CHST10: variants seen among roughly 807,000 people sequenced by gnomAD.
CHST10 encodes carbohydrate sulfotransferase 10.
CHST10 carries 24 observed loss-of-function variants against 34.7 expected under a neutral mutation model. The observed-to-expected ratio is 0.69, with a 90% confidence interval of 0.50 to 0.97. The LOEUF is 0.97. Ranked by LOEUF, CHST10 falls within the 50% of genes least tolerant of loss-of-function variation. CHST10 has a pLI of 0.00. For synonymous variants in CHST10, 161 were observed against 169.3 expected, an observed-to-expected ratio of 0.95 and a Z score of 0.38; for missense variants, 402 against 452.1, an observed-to-expected ratio of 0.89 and a Z score of 1.00.
intron 2 of CHST10, among the ~76,000 whole-genome samples, chr2:100,412,104 G>C (rs555505737): frequency 9.8e-5 from 15 of 152,302 alleles, no homozygotes; most frequent in East Asian, 1.9e-4. Context: ...TTTAAATTTT[G>C]AAACAGTTTC....
Position 100,392,227 on chromosome 2 carries a change from C to A in CHST10, c.*1018G>T, listed in dbSNP as rs968394178. ...GTGATCAGAAATGGCTCTGGCAGTG[C>A]CCATTTTGCTGAGATGAAAGGAATC... On this transcript the variant is annotated 3_prime_UTR_variant, in exon 7 of 7. Transcript: ENST00000264249. The A allele has an allele frequency of 6.6e-6, 1 of 152,600 alleles. No homozygotes were observed. The allele number at this position is 152,600 out of a possible 1,614,324, so 9.5% of individuals were successfully genotyped here.
intron 2 of CHST10, among the ~76,000 whole-genome samples, chr2:100,414,044 A>G (rs1161559800): frequency 6.6e-6 from 1 of 152,170 alleles, no homozygotes; most frequent in Non-Finnish European, 1.5e-5. Flanking sequence ...TCAAGTGATC[A>G]ATGTATATGA....
intron 2 of CHST10, 59 bp from the exon 3 acceptor site, chr2:100,406,766 G>A: frequency 7.3e-7 from 1 of 1,369,162 alleles, no homozygotes. Flanking sequence ...CAACAAAGAG[G>A]AATGAAAACG....
intron 2 of CHST10, among the ~76,000 whole-genome samples, chr2:100,414,702 G>A (rs1675992239): frequency 6.6e-6 from 1 of 152,074 alleles, no homozygotes; most frequent in Admixed American, 6.6e-5. Context: ...GCCTTGGAAC[G>A]ATTAACCACC....
In CHST10 at chr2:100,393,514, C is replaced by T; in HGVS notation, c.802G>A (p.Glu268Lys). Residue 268 changes from glutamate to lysine, a missense_variant, in exon 7 of 7, where the codon GAG becomes AAG. Physicochemically the swap from Glu to Lys is moderately conservative, Grantham distance 56. Coordinates refer to ENST00000264249, the MANE Select transcript of CHST10 (RefSeq NM_004854.5). Reference sequence around the variant, plus strand: ...ATTATCTCACAGGGAGCACAGAGCTCTACATACGTCACCCAGTGAATGATG... The same window carrying T: ...ATTATCTCACAGGGAGCACAGAGCTTTACATACGTCACCCAGTGAATGATG... ...DHIIHWVTYV[E>K]LCAPCEIMYS... is the part of the protein sequence containing the mutation. 1 of 1,614,134 alleles carries T rather than the reference C, an allele frequency of 6.2e-7. No homozygotes were observed.
chr2:100,399,191 C>T (rs1558636919), intron 4 of CHST10, among the ~76,000 whole-genome samples: 2 of 151,998 alleles, frequency 1.3e-5, no homozygotes, highest in South Asian at 2.1e-4. Flanking sequence ...GCAAGCTCCG[C>T]CTCCCGGGTT....
chr2:100,404,847 T>G (rs570846333), intron 3 of CHST10, among the ~76,000 whole-genome samples: 4 of 152,394 alleles, frequency 2.6e-5, no homozygotes, highest in African/African-American at 9.6e-5. Flanking sequence ...ACCTGCCTTT[T>G]GAGTGCCTTC....
rs902062961 is a variant in CHST10 at position 100,417,379 on chromosome 2, T to C, written c.-109A>G. 21 of 316,710 alleles carry C rather than the reference T, an allele frequency of 6.6e-5. No individual in the cohort carries two copies. Among genetic ancestry groups the C allele is most frequent in the Non-Finnish European group, 1.1e-4 (18 of 159,936 alleles). The allele number at this position is 316,710 out of a possible 1,614,324, so 19.6% of individuals were successfully genotyped here. A position where few individuals can be genotyped will look rare whatever the true frequency, so the allele number is the denominator to read the frequency against. Reference sequence around the variant, plus strand: ...CTGCGCGTCCCCGAGCTCACCCTACTGGAGCGGCGCTCGTCCGGGTCCTTA... The same window carrying C: ...CTGCGCGTCCCCGAGCTCACCCTACCGGAGCGGCGCTCGTCCGGGTCCTTA... On this transcript the variant is annotated 5_prime_UTR_variant, in exon 1 of 7. Transcript: ENST00000264249.
intron 4 of CHST10, among the ~76,000 whole-genome samples, chr2:100,399,846 C>G (rs532920276): frequency 1.1e-4 from 17 of 152,248 alleles, no homozygotes; most frequent in African/African-American, 4.1e-4. Flanking sequence ...GATGAAGACA[C>G]TGGGGAAGCG....
intron 1 of CHST10, 42 bp downstream of exon 1, chr2:100,417,332 C>T (rs1213110920): frequency 1.7e-5 from 6 of 346,666 alleles, no homozygotes; most frequent in Non-Finnish European, 3.4e-5. Flanking sequence ...GGAGAGGGGC[C>T]CAGGCGCTGA....
At chr2:100,404,397 G>A (rs541882283) in intron 3 of CHST10, among the ~76,000 whole-genome samples, 15 of 152,310 alleles carry the variant, frequency 9.8e-5, no homozygotes, top group Admixed American at 4.6e-4. Flanking sequence ...GAAGGCAGCC[G>A]GCTGGAAAGA....
chr2:100,403,990 G>A (rs1348149520), intron 3 of CHST10, among the ~76,000 whole-genome samples: 1 of 152,166 alleles, frequency 6.6e-6, no homozygotes, highest in South Asian at 2.1e-4. Flanking sequence ...GACGCCTGCA[G>A]GGGCAGGCTC....
intron 4 of CHST10, among the ~76,000 whole-genome samples, chr2:100,400,431 G>A (rs1212727932): frequency 6.6e-6 from 1 of 152,106 alleles, no homozygotes; most frequent in African/African-American, 2.4e-5. Context: ...GTAGAGATGA[G>A]GTCTCAGTAT....
Position 100,406,628 on chromosome 2 carries a change from G to C in CHST10, c.48C>G (p.Phe16Leu). 2 of 1,614,224 alleles carry C rather than the reference G, an allele frequency of 1.2e-6. No individual in the cohort carries two copies. The highest frequency in any genetic ancestry group is 1.7e-6 in the Non-Finnish European group (2 of 1,180,038). ...LLLAACFWVI[F>L]MFMVASKFIT... ...TGAACTTGCTAGCCACCATGAACAT[G>C]AAAATCACCCAAAAGCATGCGGCCA... Residue 16 changes from phenylalanine to leucine, a missense_variant, in exon 3 of 7, where the codon TTC (phenylalanine) becomes TTG (leucine). Physicochemically the swap from Phe to Leu is conservative, Grantham distance 22. Coordinates refer to ENST00000264249, the MANE Select transcript of CHST10 (RefSeq NM_004854.5).
intron 4 of CHST10, among the ~76,000 whole-genome samples, chr2:100,398,904 A>G (rs540989356): frequency 3.9e-5 from 6 of 152,104 alleles, no homozygotes; most frequent in Non-Finnish European, 8.8e-5. Context: ...GTGCCAGTAC[A>G]CACAGAAGTT....
rs910327047 is a variant in CHST10 at position 100,417,609 on chromosome 2, C to T, written c.-339G>A. 2 of 151,276 alleles carry T rather than the reference C, an allele frequency of 1.3e-5. No individual in the cohort carries two copies. The highest frequency in any genetic ancestry group is 4.8e-5 in the African/African-American group (2 of 41,338). The allele number at this position is 151,276 out of a possible 1,614,324, so 9.4% of individuals were successfully genotyped here. A position where few individuals can be genotyped will look rare whatever the true frequency, so the allele number is the denominator to read the frequency against. The stretch of plus-strand genomic sequence containing the variant: ...GGCGCGCTAGACCGGCTTTGGGGGC[C>T]AGAACGCCGGCACCGCCTCACGCGG... On this transcript the variant is annotated 5_prime_UTR_variant, in exon 1 of 7. Transcript: ENST00000264249.
intron 4 of CHST10, among the ~76,000 whole-genome samples, chr2:100,401,371 C>T (rs965497484): frequency 6.6e-6 from 1 of 152,152 alleles, no homozygotes; most frequent in Admixed American, 6.5e-5. Context: ...CACATTCAGG[C>T]GCAGTCTTTT....
intron 1 of CHST10, among the ~76,000 whole-genome samples, chr2:100,415,383 A>T (rs1174369976): frequency 6.6e-6 from 1 of 152,224 alleles, no homozygotes; most frequent in Non-Finnish European, 1.5e-5. Context: ...AAAATAATCA[A>T]ATCCAATTAT....
chr2:100,414,649 G>A (rs377676484), intron 2 of CHST10, among the ~76,000 whole-genome samples: 53 of 152,280 alleles, frequency 3.5e-4, no homozygotes, highest in African/African-American at 1.2e-3. Context: ...TCTGCGTACA[G>A]AAATTTCCTT....
Sources: gnomAD v4.1 joint callset for allele counts (sites outside exome capture counted in the v4.1 genomes callset) on GRCh38, gnomAD v4.1.1 for gene constraint, MANE v1.5 for transcripts, NCBI Gene and HGNC (gene_info 2026-07-23, HGNC 2026-07-21) for gene names.